Variants in CACNA2D3 observed in about 807,000 individuals in gnomAD.
CACNA2D3 encodes the protein voltage-dependent calcium channel subunit alpha-2/delta-3.
Under a neutral mutation model 160.6 loss-of-function variants are expected in CACNA2D3, and 60 were observed. The observed-to-expected ratio is 0.37, with a 90% confidence interval of 0.30 to 0.46. The LOEUF is 0.46. Ranked by LOEUF, CACNA2D3 falls within the 20% of genes least tolerant of loss-of-function variation. The pLI is 1.00. For synonymous variants in CACNA2D3, 558 were observed against 492.9 expected (o/e 1.13, Z -1.75); for missense variants, 1,205 against 1,365.0 (o/e 0.88, Z 1.85).
chr3:54,931,655 C>T (rs73065647), intron 27 of CACNA2D3, among the ~76,000 whole-genome samples: 3 of 152,240 alleles, frequency 2.0e-5, no homozygotes, highest in Non-Finnish European at 2.9e-5. Flanking sequence ...CAGATGCACC[C>T]GTAGAGTAAA....
chr3:54,674,011 T>A (rs1700200460), intron 11 of CACNA2D3, among the ~76,000 whole-genome samples: 1 of 152,218 alleles, frequency 6.6e-6, no homozygotes, highest in Non-Finnish European at 1.5e-5. Flanking sequence ...GCAGCCAGAA[T>A]AGCCTAGGAA....
intron 11 of CACNA2D3, among the ~76,000 whole-genome samples, chr3:54,648,199 C>T (rs1015325451): frequency 6.6e-6 from 1 of 152,194 alleles, no homozygotes; most frequent in African/African-American, 2.4e-5. Flanking sequence ...CCATTGCCTG[C>T]TTTTGCAGCT....
intron 2 of CACNA2D3, among the ~76,000 whole-genome samples, chr3:54,202,558 G>A (rs1289035696): frequency 6.6e-6 from 1 of 152,210 alleles, no homozygotes. Flanking sequence ...GGAGAGAAGT[G>A]CTTGTGGTCT....
rs140738588 is a variant in CACNA2D3 at position 54,869,120 on chromosome 3, A to C, written c.1627-2419A>C. On this transcript the variant is annotated intron_variant, in intron 17 of 37. Transcript: ENST00000474759. ...TCTCCTCTGAAAAAGACACGTGGAC[A>C]CTTTTTTTGAGGACGAAGGAACATT... 3.0e-3 allele frequency among the ~76,000 whole-genome samples: 462 copies of C among 152,258 alleles called. 5 individuals carry two copies. Among genetic ancestry groups the C allele is most frequent in the African/African-American group, 0.011 (439 of 41,548 alleles).
chr3:54,259,168 A>G (rs1355171860), intron 2 of CACNA2D3, among the ~76,000 whole-genome samples: 1 of 152,222 alleles, frequency 6.6e-6, no homozygotes, highest in Non-Finnish European at 1.5e-5. Context: ...GACTCAGGCT[A>G]GGCCAGTCAG....
chr3:54,744,228 C>G (rs1701706555), intron 11 of CACNA2D3, among the ~76,000 whole-genome samples: 1 of 152,158 alleles, frequency 6.6e-6, no homozygotes, highest in African/African-American at 2.4e-5. Flanking sequence ...AATGAACTTT[C>G]TCAGTTTGGT....
At chr3:54,274,739 G>A (rs138678793) in intron 2 of CACNA2D3, among the ~76,000 whole-genome samples, 3 of 152,174 alleles carry the variant, frequency 2.0e-5, no homozygotes, top group Non-Finnish European at 2.9e-5. Flanking sequence ...GCTCGGCTAG[G>A]GGGGAACTGC....
intron 3 of CACNA2D3, among the ~76,000 whole-genome samples, chr3:54,350,836 C>A (rs1464377893): frequency 2.0e-5 from 3 of 152,140 alleles, no homozygotes; most frequent in South Asian, 2.1e-4. Context: ...CTTATCACTT[C>A]TTTTGTGGCC....
At chr3:54,739,005 T>C (rs1701586889) in intron 11 of CACNA2D3, among the ~76,000 whole-genome samples, 1 of 151,918 alleles carries the variant, frequency 6.6e-6, no homozygotes, top group South Asian at 2.1e-4. Context: ...ATTAGCCAGG[T>C]GTGGTGGCAC....
intron 2 of CACNA2D3, among the ~76,000 whole-genome samples, chr3:54,313,488 C>T (rs1254646986): frequency 6.6e-6 from 1 of 152,094 alleles, no homozygotes; most frequent in African/African-American, 2.4e-5. Flanking sequence ...CAGTTGTTGC[C>T]TGTCCCCGCA....
intron 2 of CACNA2D3, among the ~76,000 whole-genome samples, chr3:54,127,639 C>T (rs899902055): frequency 2.6e-5 from 4 of 152,150 alleles, no homozygotes; most frequent in African/African-American, 9.7e-5. Flanking sequence ...ATGCGTTCAA[C>T]CTATGCTGCG....
chr3:54,696,298 C>G (rs938996588), intron 11 of CACNA2D3, among the ~76,000 whole-genome samples: 19 of 152,116 alleles, frequency 1.2e-4, no homozygotes, highest in Admixed American at 1.3e-4. Context: ...CTGGAAGGTC[C>G]CCCCATTCCA....
chr3:54,585,192 T>C (rs1405123949), intron 9 of CACNA2D3, among the ~76,000 whole-genome samples: 2 of 152,198 alleles, frequency 1.3e-5, no homozygotes, highest in East Asian at 3.9e-4. Flanking sequence ...TCTGATGTGA[T>C]ACCCAATGTT....
At chr3:54,190,769 A>G (rs1425463468) in intron 2 of CACNA2D3, among the ~76,000 whole-genome samples, 1 of 152,186 alleles carries the variant, frequency 6.6e-6, no homozygotes, top group African/African-American at 2.4e-5. Context: ...ATTAGTTGCA[A>G]CTGCAGAAGT....
chr3:54,906,241 A>G (rs1015248146), intron 27 of CACNA2D3, among the ~76,000 whole-genome samples: 5 of 152,096 alleles, frequency 3.3e-5, no homozygotes, highest in Non-Finnish European at 7.4e-5. Flanking sequence ...GGAGGGAGGG[A>G]GGAAGAAGGA....
chr3:54,126,375 C>G (rs1418375729), intron 2 of CACNA2D3, among the ~76,000 whole-genome samples: 2 of 152,184 alleles, frequency 1.3e-5, no homozygotes, highest in African/African-American at 4.8e-5. Context: ...TTGTTACTGA[C>G]TTCATCAATG....
chr3:54,572,675 ATAGT>A (rs1176568138), intron 8 of CACNA2D3, among the ~76,000 whole-genome samples: 3 of 152,226 alleles, frequency 2.0e-5, no homozygotes, highest in Admixed American at 6.5e-5. Context: ...AGACTTTCAG[ATAGT>A]TAGAACTTTG....
intron 2 of CACNA2D3, among the ~76,000 whole-genome samples, chr3:54,315,359 G>C (rs181052698): frequency 2.6e-5 from 4 of 152,312 alleles, no homozygotes; most frequent in Admixed American, 2.6e-4. Flanking sequence ...TGATGGCTTG[G>C]AACAGTCGTG....
At chr3:54,991,718 G>T (rs1321156381) in intron 31 of CACNA2D3, among the ~76,000 whole-genome samples, 1 of 147,728 alleles carries the variant, frequency 6.8e-6, no homozygotes, top group Non-Finnish European at 1.5e-5. Context: ...AAGACTTCAG[G>T]TTGAGCACAA....
Sources: allele counts gnomAD v4.1 joint callset (sites outside exome capture counted in the v4.1 genomes callset), GRCh38; gene constraint gnomAD v4.1.1; transcripts MANE v1.5; gene names NCBI Gene and HGNC (gene_info 2026-07-23, HGNC 2026-07-21).